Variants in TCF25 observed in about 807,000 individuals in gnomAD.
The protein encoded by TCF25 is TCF25 ribosome quality control complex subunit.
In TCF25, 41 loss-of-function variants were observed where a neutral mutation model predicts 83.1. The ratio of observed to expected loss-of-function variants is 0.49; its 90% CI spans 0.38 to 0.64. The LOEUF (loss-of-function observed/expected upper bound fraction) is 0.64. TCF25 is among the 30% of genes least tolerant of loss of function. TCF25 has a pLI of 0.00. For synonymous variants in TCF25, 458 were observed against 365.0 expected, an observed-to-expected ratio of 1.25 and a Z score of -2.90; for missense variants, 979 against 914.5, an observed-to-expected ratio of 1.07 and a Z score of -0.91.
At chr16:89,900,613 T>G in intron 11 of TCF25, 22 bp from the exon 12 acceptor site, 3 of 1,563,990 alleles carry the variant, frequency 1.9e-6, no homozygotes, top group South Asian at 1.1e-5. Context: ...GGCTCCACGC[T>G]CTGTTTCTTC....
chr16:89,910,333 G>A (rs975422113), intron 16 of TCF25: 29 of 545,656 alleles, frequency 5.3e-5, no homozygotes, highest in Admixed American at 2.3e-4. Flanking sequence ...GCCTCGCTCC[G>A]GACGCCACGC....
rs138664091 is a variant in TCF25 at position 89,902,859 on chromosome 16, C to T, written c.1382-1259C>T. 1.2e-3 allele frequency among the ~76,000 whole-genome samples: 189 copies of T among 152,260 alleles called. 1 individual carries two copies. Among genetic ancestry groups the T allele is most frequent in the African/African-American group, 4.3e-3 (177 of 41,546 alleles). On this transcript the variant is annotated intron_variant, in intron 12 of 17. Coordinates refer to ENST00000263346, the MANE Select transcript of TCF25 (RefSeq NM_014972.3). The stretch of plus-strand genomic sequence containing the variant: ...GACCACTCATCGCCTATTAGGATGT[C>T]CTGGAAGCAGCATCCCTTTCTCGGT...
intron 8 of TCF25, 121 bp downstream of exon 8, chr16:89,895,258 A>C: frequency 1.1e-6 from 1 of 871,806 alleles, no homozygotes; most frequent in Non-Finnish European, 1.8e-6. Context: ...TTATTGAGAT[A>C]CAACCTACGT....
chr16:89,898,291 C>T (rs1351444608), intron 9 of TCF25, among the ~76,000 whole-genome samples: 3 of 152,014 alleles, frequency 2.0e-5, no homozygotes, highest in Admixed American at 6.5e-5. Context: ...CTGACCGGGG[C>T]GCTAAGCAGT....
chr16:89,888,827 C>T (rs1239099579), intron 5 of TCF25, among the ~76,000 whole-genome samples: 3 of 149,990 alleles, frequency 2.0e-5, no homozygotes, highest in Non-Finnish European at 1.5e-5. Flanking sequence ...GTGCACGCCA[C>T]CACGCCCAGC....
chr16:89,893,424 G>A (rs562497626), intron 6 of TCF25, among the ~76,000 whole-genome samples: 2 of 152,364 alleles, frequency 1.3e-5, no homozygotes, highest in East Asian at 1.9e-4. Flanking sequence ...TCTGTGGACT[G>A]TGTGTGTCCT....
At chr16:89,893,078 G>A (rs1003250257) in intron 6 of TCF25, among the ~76,000 whole-genome samples, 1 of 152,222 alleles carries the variant, frequency 6.6e-6, no homozygotes, top group Non-Finnish European at 1.5e-5. Flanking sequence ...CCTGCTCACT[G>A]CAGACAGGGG....
intron 6 of TCF25, among the ~76,000 whole-genome samples, chr16:89,892,787 C>T (rs1272588794): frequency 6.6e-6 from 1 of 152,194 alleles, no homozygotes; most frequent in Non-Finnish European, 1.5e-5. Flanking sequence ...GGAGGCCTTC[C>T]ACACTGGCCT....
chr16:89,908,387 T>A (rs1302045245), intron 16 of TCF25, among the ~76,000 whole-genome samples: 18 of 99,172 alleles, frequency 1.8e-4, no homozygotes, highest in South Asian at 7.7e-4. Context: ...CCCACCTCCC[T>A]CCTTCCAGTT....
At chr16:89,894,066 CAG>C (rs901476970) in intron 7 of TCF25, among the ~76,000 whole-genome samples, 3 of 152,182 alleles carry the variant, frequency 2.0e-5, no homozygotes, top group Non-Finnish European at 4.4e-5. Context: ...CATCCATACT[CAG>C]AGGAGAGGCT....
chr16:89,902,875 C>G (rs369716030), intron 12 of TCF25, among the ~76,000 whole-genome samples: 7 of 152,166 alleles, frequency 4.6e-5, no homozygotes, highest in African/African-American at 1.7e-4. Context: ...AGCAGCATCC[C>G]TTTCTCGGTT....
intron 11 of TCF25, among the ~76,000 whole-genome samples, chr16:89,899,180 A>G (rs1240297751): frequency 1.3e-5 from 2 of 152,160 alleles, no homozygotes; most frequent in African/African-American, 4.8e-5. Context: ...TGAAAAACCG[A>G]CAACTCCCGA....
At chr16:89,874,891 GGCGTGAGTCACCAT>G (rs1224221444) in intron 1 of TCF25, 18 of 152,236 alleles carry the variant, frequency 1.2e-4, no homozygotes, top group African/African-American at 3.9e-4. Flanking sequence ...TGGGACTACA[GGCGTGAGTCACCAT>G]GCTTGGTTGA....
intron 2 of TCF25, 91 bp from the exon 3 acceptor site, chr16:89,884,491 A>G (rs1227291644): frequency 1.9e-5 from 25 of 1,338,464 alleles, no homozygotes; most frequent in Non-Finnish European, 2.5e-5. Context: ...GGGGCTGCTT[A>G]GGTGAGGGTG....
intron 8 of TCF25, among the ~76,000 whole-genome samples, chr16:89,895,748 G>A (rs1464319506): frequency 1.3e-5 from 2 of 152,242 alleles, no homozygotes; most frequent in Non-Finnish European, 2.9e-5. Flanking sequence ...CTGTCAGGAC[G>A]TGGCAGCAGT....
At chr16:89,877,122 A>C (rs1454417341) in intron 1 of TCF25, among the ~76,000 whole-genome samples, 1 of 149,512 alleles carries the variant, frequency 6.7e-6, no homozygotes, top group Non-Finnish European at 1.5e-5. Flanking sequence ...ATAAATAAAT[A>C]AATAAATAAA....
chr16:89,897,568 A>G (rs530928927), intron 9 of TCF25, among the ~76,000 whole-genome samples: 2 of 152,312 alleles, frequency 1.3e-5, no homozygotes, highest in Non-Finnish European at 2.9e-5. Flanking sequence ...TCTTTATGTT[A>G]GTTTTGTCTC....
At chr16:89,884,480 A>C in intron 2 of TCF25, 102 bp from the exon 3 acceptor site, 1 of 1,190,598 alleles carries the variant, frequency 8.4e-7, no homozygotes, top group Non-Finnish European at 1.2e-6. Context: ...AGGGAGAGGT[A>C]GGGGCTGCTT....
chr16:89,903,700 G>A (rs899289020), intron 12 of TCF25, among the ~76,000 whole-genome samples: 4 of 152,070 alleles, frequency 2.6e-5, no homozygotes, highest in East Asian at 3.9e-4. Flanking sequence ...CCAGCTACTC[G>A]GGAGGCTGAG....
Sources: gnomAD v4.1 joint callset for allele counts (sites outside exome capture counted in the v4.1 genomes callset) on GRCh38, gnomAD v4.1.1 for gene constraint, MANE v1.5 for transcripts, NCBI Gene and HGNC (gene_info 2026-07-23, HGNC 2026-07-21) for gene names.